The following ATE1 variants were observed in gnomAD, a reference collection of about 807,000 sequenced individuals.
ATE1 encodes arginyltransferase 1.
ATE1 carries 36 observed loss-of-function variants against 70.5 expected under a neutral mutation model. The observed-to-expected ratio is 0.51, with a 90% CI of 0.39 to 0.67. The LOEUF (loss-of-function observed/expected upper bound fraction) is 0.67, where lower values mean the gene tolerates loss of function less well. ATE1 is among the 30% of genes least tolerant of loss of function. ATE1 has a pLI of 0.00. For synonymous variants in ATE1, 232 were observed against 219.3 expected (o/e 1.06, Z -0.51); for missense variants, 593 against 629.5 (o/e 0.94, Z 0.62).
At chr10:121,746,199 C>T (rs573928798) in intron 11 of ATE1, among the ~76,000 whole-genome samples, 6 of 152,134 alleles carry the variant, frequency 3.9e-5, no homozygotes, top group Non-Finnish European at 7.3e-5. Context: ...TAGCACTTAC[C>T]GCCACCTGAC....
chr10:121,914,911 A>G (rs1004655143), intron 3 of ATE1, among the ~76,000 whole-genome samples: 1 of 152,194 alleles, frequency 6.6e-6, no homozygotes, highest in Non-Finnish European at 1.5e-5. Context: ...ACCTAAAAAT[A>G]CTAACATCAG....
At chr10:121,854,969 T>G (rs1949192366) in intron 8 of ATE1, among the ~76,000 whole-genome samples, 1 of 152,136 alleles carries the variant, frequency 6.6e-6, no homozygotes, top group Non-Finnish European at 1.5e-5. Context: ...AAACCCACAG[T>G]TGCACAACCA....
Position 121,896,872 on chromosome 10 carries a change from T to C in ATE1, c.942+2994A>G, listed in dbSNP as rs560347738. On this transcript the variant is annotated intron_variant, in intron 7 of 11. Transcript: ENST00000224652. Reference sequence around the variant, plus strand: ...AAAAGCCTCATCCCCTATTACCTCCTAACAGGTACTCTATGTTCTGGCCAT... The same window carrying C: ...AAAAGCCTCATCCCCTATTACCTCCCAACAGGTACTCTATGTTCTGGCCAT... 7.9e-5 allele frequency among the ~76,000 whole-genome samples: 11 copies of C among 138,858 alleles called. No homozygotes were observed. The East Asian group carries it at 2.6e-3, about 33-fold the overall frequency. The allele number at this position is 138,858 out of a possible 152,430, so 91.1% of individuals were successfully genotyped here.
chr10:121,744,256 A>G (rs1000521156), intron 11 of ATE1, among the ~76,000 whole-genome samples: 3 of 152,040 alleles, frequency 2.0e-5, no homozygotes, highest in African/African-American at 7.2e-5. Context: ...TTAACTTAAA[A>G]TATAAAAATT....
intron 10 of ATE1, among the ~76,000 whole-genome samples, chr10:121,792,644 C>T (rs1032127204): frequency 1.3e-5 from 2 of 152,178 alleles, no homozygotes; most frequent in Non-Finnish European, 2.9e-5. Context: ...TGCTATCTAT[C>T]TTATCAAAAA....
chr10:121,909,795 T>C (rs1463456565), intron 5 of ATE1, among the ~76,000 whole-genome samples: 1 of 152,136 alleles, frequency 6.6e-6, no homozygotes, highest in African/African-American at 2.4e-5. Flanking sequence ...GCCTGTAATC[T>C]CAGCACTTTG....
chr10:121,815,918 C>T (rs895079936), intron 10 of ATE1, among the ~76,000 whole-genome samples: 2 of 152,142 alleles, frequency 1.3e-5, no homozygotes, highest in Non-Finnish European at 2.9e-5. Flanking sequence ...CCACCAGATG[C>T]CCGTAGCACA....
chr10:121,782,666 CA>C (rs1946043873), intron 11 of ATE1: 1 of 152,156 alleles, frequency 6.6e-6, no homozygotes, highest in Admixed American at 6.5e-5. Flanking sequence ...TTGAAGGATG[CA>C]AAGTACCGAT....
At chr10:121,869,351 T>G (rs1590571461) in intron 8 of ATE1, among the ~76,000 whole-genome samples, 1 of 152,242 alleles carries the variant, frequency 6.6e-6, no homozygotes. Flanking sequence ...TTTCCAAGTC[T>G]TGATGATCAT....
chr10:121,876,687 CCGGGCG>C (rs1950059410), intron 7 of ATE1, among the ~76,000 whole-genome samples: 1 of 152,142 alleles, frequency 6.6e-6, no homozygotes, highest in South Asian at 2.1e-4. Context: ...TGTGTTGCTG[CCGGGCG>C]CGGTGGCTCA....
rs373322429 is a variant in ATE1 at position 121,758,889 on chromosome 10, A to C, written c.1379-15031T>G. ...TGTGCCCATGTAAGATGGCAAACTT[A>C]ATTGATAAATGCTGTGTGTATTCTG... On this transcript the variant is annotated intron_variant, in intron 11 of 11. Coordinates refer to ENST00000224652, the MANE Select transcript of ATE1 (RefSeq NM_001001976.3). 1.5e-3 allele frequency among the ~76,000 whole-genome samples: 223 copies of C among 152,282 alleles called. 6 individuals carry two copies. The South Asian group carries it at 0.041, about 28-fold the overall frequency.
At chr10:121,834,263 C>G (rs969264087) in intron 10 of ATE1, among the ~76,000 whole-genome samples, 6 of 152,152 alleles carry the variant, frequency 3.9e-5, no homozygotes, top group Non-Finnish European at 8.8e-5. Flanking sequence ...CATCTGTCTT[C>G]TTGATTACTG....
chr10:121,911,340 G>A (rs1036569972), intron 4 of ATE1, among the ~76,000 whole-genome samples, 189 bp from the exon 5 acceptor site: 3 of 151,358 alleles, frequency 2.0e-5, no homozygotes, highest in Non-Finnish European at 4.4e-5. Flanking sequence ...GTTCATGCCT[G>A]TAATTCCAGC....
chr10:121,852,949 G>C (rs1220718416), intron 8 of ATE1, among the ~76,000 whole-genome samples: 1 of 152,114 alleles, frequency 6.6e-6, no homozygotes, highest in Non-Finnish European at 1.5e-5. Flanking sequence ...CTGACAATTA[G>C]ACACTAAAGA....
chr10:121,747,704 G>A (rs1419974329), intron 11 of ATE1, among the ~76,000 whole-genome samples: 1 of 152,178 alleles, frequency 6.6e-6, no homozygotes. Context: ...TGGTTTTGGT[G>A]TTCCTGCTTA....
At chr10:121,928,314 G>A (rs1203262466), upstream of ATE1, 2 of 1,509,526 alleles carry the variant, frequency 1.3e-6, no homozygotes, top group South Asian at 1.2e-5. Context: ...GGGGCGCGGC[G>A]GCCGCGCCAA....
intron 8 of ATE1, among the ~76,000 whole-genome samples, chr10:121,864,463 G>C (rs1414455371): frequency 6.6e-6 from 1 of 152,224 alleles, no homozygotes; most frequent in Admixed American, 6.5e-5. Context: ...ACAGGCCACA[G>C]AGCAGTACTG....
chr10:121,826,999 T>C (rs1298049500), intron 10 of ATE1, among the ~76,000 whole-genome samples: 3 of 148,936 alleles, frequency 2.0e-5, no homozygotes, highest in Non-Finnish European at 1.5e-5. Flanking sequence ...CACATTTTCT[T>C]TACTGTTGAT....
At chr10:121,855,183 T>C (rs942904744) in intron 8 of ATE1, among the ~76,000 whole-genome samples, 3 of 152,206 alleles carry the variant, frequency 2.0e-5, no homozygotes, top group Non-Finnish European at 4.4e-5. Flanking sequence ...GCTTTTTTCT[T>C]TCACTTATTA....
Sources: gnomAD v4.1 joint callset for allele counts (sites outside exome capture counted in the v4.1 genomes callset) on GRCh38, gnomAD v4.1.1 for gene constraint, MANE v1.5 for transcripts, NCBI Gene and HGNC (gene_info 2026-07-23, HGNC 2026-07-21) for gene names.